The following PHACTR3 variants were observed in gnomAD, a reference collection of about 807,000 sequenced individuals.
PHACTR3 encodes phosphatase and actin regulator 3, also known as protein phosphatase 1, regulatory subunit 123.
Under a neutral mutation model 66.8 loss-of-function variants are expected in PHACTR3, and 16 were observed. The ratio of observed to expected loss-of-function variants is 0.24; its 90% CI spans 0.16 to 0.36. The LOEUF is 0.36. PHACTR3 is among the 10% of genes least tolerant of loss of function. PHACTR3 has a pLI of 1.00. For missense variants in PHACTR3, 647 were observed against 719.9 expected (o/e 0.90, Z 1.16); for synonymous variants, 323 against 292.1 (o/e 1.11, Z -1.08).
intron 6 of PHACTR3, 103 bp downstream of exon 6, chr20:59,773,556 C>T (rs981164496): frequency 2.5e-6 from 3 of 1,210,946 alleles, no homozygotes; most frequent in Non-Finnish European, 3.4e-6. Flanking sequence ...GGCTGGGTGT[C>T]CCGTTCTACA....
chr20:59,605,018 G>A lies in PHACTR3; in HGVS notation c.4G>A (p.Ala2Thr). 2 of 1,330,148 alleles carry A rather than the reference G, an allele frequency of 1.5e-6. No individual in the cohort carries two copies. The highest frequency in any genetic ancestry group is 2.1e-5 in the South Asian group (1 of 48,674). 82.4% of individuals were successfully genotyped at this position (1,330,148 alleles called of 1,614,324 possible). ...TGCCCCCGCGCCGGCCGGGCCCATGGCCGCGTCGGAGGACGGGAGCGGCTG... is the reference window on the plus strand; with the variant it reads ...TGCCCCCGCGCCGGCCGGGCCCATGACCGCGTCGGAGGACGGGAGCGGCTG... M[A>T]ASEDGSGCLV... Residue 2 changes from alanine to threonine, a missense_variant, in exon 1 of 13, where the codon GCC (alanine) becomes ACC (threonine). Transcript: ENST00000371015.
intron 1 of PHACTR3, among the ~76,000 whole-genome samples, chr20:59,730,241 G>A (rs1034489152): frequency 6.6e-6 from 1 of 152,174 alleles, no homozygotes; most frequent in Non-Finnish European, 1.5e-5. Context: ...AAAAATAACA[G>A]GAAACCTAAC....
intron 1 of PHACTR3, among the ~76,000 whole-genome samples, chr20:59,637,052 G>A (rs1466288116): frequency 6.6e-6 from 1 of 152,234 alleles, no homozygotes; most frequent in Non-Finnish European, 1.5e-5. Context: ...AAATTGCCGT[G>A]CTTCCAAAGC....
chr20:59,754,006 A>T (rs958501736), intron 3 of PHACTR3, among the ~76,000 whole-genome samples: 1 of 152,216 alleles, frequency 6.6e-6, no homozygotes, highest in African/African-American at 2.4e-5. Context: ...GGCTGTGTCG[A>T]CATGTGCAGG....
intron 1 of PHACTR3, among the ~76,000 whole-genome samples, chr20:59,587,781 G>A (rs2033077373): frequency 6.6e-6 from 1 of 152,214 alleles, no homozygotes; most frequent in Admixed American, 6.5e-5. Flanking sequence ...TGGGGCCTGG[G>A]CCCGGGTCAT....
chr20:59,819,905 C>T (rs2041988446), intron 8 of PHACTR3, among the ~76,000 whole-genome samples: 1 of 152,260 alleles, frequency 6.6e-6, no homozygotes, highest in African/African-American at 2.4e-5. Context: ...GCTCTGCCAT[C>T]TATAGCCTTC....
chr20:59,672,717 C>T (rs1006143451), intron 1 of PHACTR3, among the ~76,000 whole-genome samples: 7 of 152,202 alleles, frequency 4.6e-5, no homozygotes, highest in Admixed American at 2.6e-4. Context: ...ACTGTGTGCC[C>T]GACACCCAGC....
intron 1 of PHACTR3, among the ~76,000 whole-genome samples, chr20:59,652,435 C>T (rs1479025837): frequency 5.9e-5 from 9 of 152,098 alleles, no homozygotes; most frequent in Non-Finnish European, 1.0e-4. Flanking sequence ...TCTGTAGTGC[C>T]AGCTACTCAG....
At chr20:59,824,118 G>A (rs2042121142) in intron 8 of PHACTR3, among the ~76,000 whole-genome samples, 1 of 152,192 alleles carries the variant, frequency 6.6e-6, no homozygotes, top group Non-Finnish European at 1.5e-5. Flanking sequence ...TTTCAGCCAG[G>A]ACACTCTCCT....
Position 59,623,924 on chromosome 20 carries a change from A to G in PHACTR3, c.118+18792A>G, listed in dbSNP as rs1600942198. 3.3e-5 allele frequency among the ~76,000 whole-genome samples: 5 copies of G among 152,322 alleles called. No homozygotes were observed. The South Asian group carries it at 1.0e-3, about 32-fold the overall frequency. ...TGACCCACTGATCTGGGACTCGGAA[A>G]GGTCACCCCACTTCTGCTTTGGTGC... On this transcript the variant is annotated intron_variant, in intron 1 of 12. Transcript: ENST00000371015.
Position 59,789,957 on chromosome 20 carries a change from T to C in PHACTR3, c.1174+15467T>C, listed in dbSNP as rs565644516. On this transcript the variant is annotated intron_variant, in intron 7 of 12. Coordinates refer to ENST00000371015, the MANE Select transcript of PHACTR3 (RefSeq NM_080672.5). ...TGGCTGCATTAGCAACGTGGAGACA[T>C]ACTTCCTTGTAACTAAGACTTTGTG... Among the ~76,000 whole-genome samples, 51 of 152,370 alleles carry C rather than the reference T, an allele frequency of 3.3e-4. 1 individual carries two copies. The highest frequency in any genetic ancestry group is 1.1e-3 in the African/African-American group (47 of 41,594).
chr20:59,768,326 C>T (rs764116743), intron 5 of PHACTR3, among the ~76,000 whole-genome samples: 1 of 152,192 alleles, frequency 6.6e-6, no homozygotes, highest in Non-Finnish European at 1.5e-5. Flanking sequence ...AAACATGATG[C>T]ATAGCAGGGT....
chr20:59,834,549 A>C (rs566110690), intron 8 of PHACTR3, among the ~76,000 whole-genome samples: 1 of 152,216 alleles, frequency 6.6e-6, no homozygotes, highest in African/African-American at 2.4e-5. Flanking sequence ...GATTCTGTGT[A>C]ACTCTCTCAG....
intron 8 of PHACTR3, among the ~76,000 whole-genome samples, chr20:59,814,518 G>T (rs57333630): frequency 0.03 from 4,644 of 152,316 alleles, 236 homozygotes; most frequent in African/African-American, 0.1. Flanking sequence ...AAGGAGCACA[G>T]GGACTGGAAC....
rs550656980 is a variant in PHACTR3 at position 59,814,628 on chromosome 20, A to G, written c.1328+8434A>G. Among the ~76,000 whole-genome samples, 48 of 152,110 alleles carry G rather than the reference A, an allele frequency of 3.2e-4. No homozygotes were observed. The South Asian group carries it at 5.6e-3, about 18-fold the overall frequency. The stretch of plus-strand genomic sequence containing the variant: ...TTTATACGGTCCTGTACTTCCTGTT[A>G]TCCTTGGTCCATTTTCTTCTACACT... On this transcript the variant is annotated intron_variant, in intron 8 of 12. Coordinates refer to ENST00000371015, the MANE Select transcript of PHACTR3 (RefSeq NM_080672.5).
At chr20:59,796,346 C>G (rs1034794550) in intron 7 of PHACTR3, among the ~76,000 whole-genome samples, 1 of 151,958 alleles carries the variant, frequency 6.6e-6, no homozygotes, top group South Asian at 2.1e-4. Flanking sequence ...TATTTTTGAC[C>G]ATTTTGATTT....
At chr20:59,786,736 T>C (rs1019575546) in intron 7 of PHACTR3, among the ~76,000 whole-genome samples, 4 of 151,872 alleles carry the variant, frequency 2.6e-5, no homozygotes, top group African/African-American at 4.8e-5. Flanking sequence ...CGGGTGTCCA[T>C]GGAGCTCTTT....
intron 1 of PHACTR3, among the ~76,000 whole-genome samples, chr20:59,693,991 G>T (rs56347562): frequency 0.11 from 17,496 of 152,248 alleles, 1,269 homozygotes; most frequent in Non-Finnish European, 0.16. Context: ...TTGATGGGAA[G>T]AACAGAGTTC....
intron 1 of PHACTR3, among the ~76,000 whole-genome samples, chr20:59,698,834 G>C (rs952096943): frequency 1.3e-5 from 2 of 152,150 alleles, no homozygotes; most frequent in African/African-American, 4.8e-5. Context: ...TAAATCCTCA[G>C]CTAAGTAAGT....
Sources: allele counts gnomAD v4.1 joint callset (sites outside exome capture counted in the v4.1 genomes callset), GRCh38; gene constraint gnomAD v4.1.1; transcripts MANE v1.5; gene names NCBI Gene and HGNC (gene_info 2026-07-23, HGNC 2026-07-21).